The following PDIA6 variants were observed in gnomAD, a reference collection of about 807,000 sequenced individuals.
PDIA6 encodes protein disulfide isomerase family A member 6, also known as protein disulfide-isomerase A6.
PDIA6 carries 29 observed loss-of-function variants against 58.4 expected under a neutral mutation model. The observed-to-expected ratio is 0.50, with a 90% CI of 0.37 to 0.68. The LOEUF is 0.68. PDIA6 is among the 30% of genes least tolerant of loss of function. The pLI is 0.00. For synonymous variants in PDIA6, 192 were observed against 202.6 expected (o/e 0.95, Z 0.44); for missense variants, 480 against 551.0 (o/e 0.87, Z 1.29).
chr2:10,820,510 A>G (rs1667351918), intron 1 of PDIA6, among the ~76,000 whole-genome samples: 2 of 152,180 alleles, frequency 1.3e-5, no homozygotes, highest in Non-Finnish European at 2.9e-5. Flanking sequence ...CCTCGTTTCT[A>G]TAGATGTCAT....
chr2:10,824,329 T>C (rs1283292482), intron 1 of PDIA6, among the ~76,000 whole-genome samples: 2 of 152,234 alleles, frequency 1.3e-5, no homozygotes, highest in South Asian at 2.1e-4. Context: ...CGTGATTACA[T>C]GTCTGTGGCC....
Position 10,789,635 on chromosome 2 carries a change from C to CT in PDIA6, c.840+113dup. 5 of 963,118 alleles carry CT rather than the reference C, an allele frequency of 5.2e-6. No homozygotes were observed. The South Asian group carries it at 8.8e-5, about 17-fold the overall frequency. 59.7% of individuals were successfully genotyped at this position (963,118 alleles called of 1,614,324 possible). Reference sequence around the variant, plus strand: ...TTTCCATTTCAAAGTATAGAAACCACTTTAAAGAGAGTATCTTTAAGGGCA... The same window carrying CT: ...TTTCCATTTCAAAGTATAGAAACCACTTTTAAAGAGAGTATCTTTAAGGGCA... On this transcript the variant is annotated intron_variant, in intron 8 of 12. Transcript: ENST00000272227.
chr2:10,799,045 G>A (rs1054982412), intron 2 of PDIA6, among the ~76,000 whole-genome samples: 1 of 151,944 alleles, frequency 6.6e-6, no homozygotes, highest in African/African-American at 2.4e-5. Context: ...AAGAGAGTGG[G>A]GAGAGGAGGA....
chr2:10,834,732 C>CTTCCTCCCT (rs1553342870), upstream of PDIA6, among the ~76,000 whole-genome samples: 35 of 36,450 alleles, frequency 9.6e-4, no homozygotes, highest in African/African-American at 3.2e-3. Flanking sequence ...CCTTCCTTCC[C>CTTCCTCCCT]TCCTTCCTTC....
upstream of PDIA6, among the ~76,000 whole-genome samples, chr2:10,813,934 A>T (rs370910904): frequency 7.0e-4 from 106 of 151,890 alleles, no homozygotes; most frequent in Non-Finnish European, 1.2e-3. Flanking sequence ...CATATTGGCC[A>T]GGCTGGTCTC....
intron 2 of PDIA6, among the ~76,000 whole-genome samples, chr2:10,798,572 C>G (rs1490465252): frequency 5.2e-5 from 5 of 97,082 alleles, no homozygotes; most frequent in Non-Finnish European, 1.0e-4. Flanking sequence ...TGTCCCCCAC[C>G]CAAAAAAAAA....
Position 10,788,954 on chromosome 2 carries a change from T to C in PDIA6, c.868A>G (p.Thr290Ala), listed in dbSNP as rs1402305971. 6.2e-7 allele frequency: 1 copy of C among 1,614,086 alleles called. No homozygotes were observed. The highest frequency in any genetic ancestry group is 1.7e-5 in the Admixed American group (1 of 60,022). ...ACACAGAGCTGGTGCTCCTCACACG[T>C]CCTCTTGGCAATGTCCTCGTTGATA... ...EIINEDIAKR[T>A]CEEHQLCVVA... is the part of the protein sequence containing the mutation. The change falls in exon 9 of 13, where the codon ACG becomes GCG. Residue 290 changes from threonine to alanine, a missense_variant. By Grantham distance (58) the Thr-to-Ala change is moderately conservative. Transcript: ENST00000272227.
rs767178957 is a variant in PDIA6, at chr2:10,812,731, G to A, written c.-35C>T. On this transcript the variant is annotated 5_prime_UTR_variant, in exon 1 of 13. Transcript: ENST00000272227. ...CGGGCTACGTGCAGTCCCCACCGCCGCCGCCGCTTCAGCCCTGCAGCGTGC... is the reference window on the plus strand; with the variant it reads ...CGGGCTACGTGCAGTCCCCACCGCCACCGCCGCTTCAGCCCTGCAGCGTGC... The A allele has an allele frequency of 3.4e-6, 5 of 1,490,344 alleles. No homozygotes were observed. The highest frequency in any genetic ancestry group is 2.7e-6 in the Non-Finnish European group (3 of 1,121,968). The allele number at this position is 1,490,344 out of a possible 1,614,324, so 92.3% of individuals were successfully genotyped here. A position where few individuals can be genotyped will look rare whatever the true frequency, so the allele number is the denominator to read the frequency against.
intron 1 of PDIA6, among the ~76,000 whole-genome samples, chr2:10,806,628 C>CAAAGAGAGAA (rs142782761): frequency 1.4e-5 from 1 of 70,366 alleles, no homozygotes; most frequent in Admixed American, 1.7e-4. Flanking sequence ...AAAATAAAGA[C>CAAAGAGAGAA]AGAAAGAAAG....
rs531840223 is a variant in PDIA6 at position 10,789,266 on chromosome 2, T to C, written c.841-285A>G. 1.2e-4 allele frequency among the ~76,000 whole-genome samples: 19 copies of C among 152,316 alleles called. No individual in the cohort carries two copies. The East Asian group carries it at 3.7e-3, about 29-fold the overall frequency. ...GACACAGCCTGGCTCTGCCACTTACTTGTTTAAATAGATTATACTTACATG... is the reference window on the plus strand; with the variant it reads ...GACACAGCCTGGCTCTGCCACTTACCTGTTTAAATAGATTATACTTACATG... On this transcript the variant is annotated intron_variant, in intron 8 of 12. Transcript: ENST00000272227.
chr2:10,832,442 G>GCACGAGGC, exon 1 of PDIA6: 1 of 985,432 alleles, frequency 1.0e-6, no homozygotes, highest in African/African-American at 1.7e-5. Context: ...CCTGTTTGAA[G>GCACGAGGC]CACGAGGCCA....
At chr2:10,793,019 A>G (rs1666103993) in intron 5 of PDIA6, 77 bp downstream of exon 5, 3 of 929,518 alleles carry the variant, frequency 3.2e-6, no homozygotes, top group Admixed American at 1.9e-5. Flanking sequence ...ACTGTTAAAA[A>G]ACAACTATCT....
chr2:10,797,167 T>C lies in PDIA6; in HGVS notation c.260A>G (p.His87Arg). 1.2e-6 allele frequency: 2 copies of C among 1,612,948 alleles called. No homozygotes were observed. Among genetic ancestry groups the C allele is most frequent in the Non-Finnish European group, 1.7e-6 (2 of 1,179,160 alleles). Residue 87 changes from histidine to arginine, a missense_variant, in exon 4 of 13, where the codon CAT (histidine) becomes CGT (arginine). His to Arg is a conservative substitution (Grantham distance 29). Transcript: ENST00000272227. ...KVGAVDADKH[H>R]SLGGQYGVQG... is the part of the protein sequence containing the mutation. ...AACACCATACTGACCTCCTAGGGAA[T>C]GATGCTTATCTGCATCAACTGCACC...
At chr2:10,818,530 ATTTATTTT>A (rs1422968310) in intron 2 of PDIA6, among the ~76,000 whole-genome samples, 2 of 103,644 alleles carry the variant, frequency 1.9e-5, no homozygotes, top group Admixed American at 9.0e-5. Flanking sequence ...TTATTTATTT[ATTTATTTT>A]GAGATGGAGT....
intron 1 of PDIA6, among the ~76,000 whole-genome samples, chr2:10,830,958 C>G (rs1180967972): frequency 6.6e-6 from 1 of 152,184 alleles, no homozygotes; most frequent in African/African-American, 2.4e-5. Context: ...CTGTCTCCCT[C>G]CTAGGGAGAA....
upstream of PDIA6, among the ~76,000 whole-genome samples, chr2:10,816,075 G>GTT (rs1667182899): frequency 1.3e-5 from 1 of 78,088 alleles, no homozygotes; most frequent in Non-Finnish European, 2.4e-5. Flanking sequence ...GAAATCATTT[G>GTT]TCTTTTTTTT....
At chr2:10,788,100 T>C (rs1459462341) in intron 10 of PDIA6, among the ~76,000 whole-genome samples, 1 of 144,018 alleles carries the variant, frequency 6.9e-6, no homozygotes, top group African/African-American at 2.5e-5. Flanking sequence ...AGGAAAGAGA[T>C]ACACTGTTTT....
intron 2 of PDIA6, among the ~76,000 whole-genome samples, chr2:10,800,463 T>G (rs1666454971): frequency 6.6e-6 from 1 of 152,222 alleles, no homozygotes; most frequent in Non-Finnish European, 1.5e-5. Flanking sequence ...TACTTACTGT[T>G]CTTGTAAAGT....
chr2:10,800,122 G>A (rs775557423), intron 2 of PDIA6, among the ~76,000 whole-genome samples: 6 of 152,084 alleles, frequency 3.9e-5, no homozygotes, highest in Non-Finnish European at 8.8e-5. Context: ...TTTCATGATC[G>A]CCACTATAGT....
Sources: allele counts gnomAD v4.1 joint callset (sites outside exome capture counted in the v4.1 genomes callset), GRCh38; gene constraint gnomAD v4.1.1; transcripts MANE v1.5; gene names NCBI Gene and HGNC (gene_info 2026-07-23, HGNC 2026-07-21).